PVT1: variants seen among roughly 807,000 people sequenced by gnomAD.
PVT1 encodes CXCR4/PVT1 fusion.
chr8:128,039,125 T>C (rs776899950), intron 4 of PVT1, among the ~76,000 whole-genome samples: 2 of 152,160 alleles, frequency 1.3e-5, no homozygotes, highest in Non-Finnish European at 2.9e-5. Flanking sequence ...CAAACACCGT[T>C]TCTTCTTTCT....
intron 3 of PVT1, among the ~76,000 whole-genome samples, chr8:127,974,850 A>G (rs1019259873): frequency 3.9e-5 from 6 of 152,232 alleles, no homozygotes; most frequent in Non-Finnish European, 7.3e-5. Flanking sequence ...TTGTCTTTAC[A>G]TTAATTAATG....
chr8:128,071,010 C>T (rs1320780350), intron 5 of PVT1, among the ~76,000 whole-genome samples: 4 of 152,212 alleles, frequency 2.6e-5, no homozygotes, highest in African/African-American at 9.6e-5. Flanking sequence ...GGGATCTTCC[C>T]CCACATCTGT....
rs71568675 is a variant in PVT1 at position 128,087,747 on chromosome 8, C to CTTTTTTTTTTTTTTTTTT, written n.1115-8765_1115-8748dup. Among the ~76,000 whole-genome samples, 51 of 76,580 alleles carry CTTTTTTTTTTTTTTTTTT rather than the reference C, an allele frequency of 6.7e-4. 3 individuals are homozygous for CTTTTTTTTTTTTTTTTTT. Among genetic ancestry groups the CTTTTTTTTTTTTTTTTTT allele is most frequent in the African/African-American group, 2.3e-3 (47 of 20,476 alleles). 50.2% of individuals were successfully genotyped at this position (76,580 alleles called of 152,430 possible). On this transcript the variant is annotated intron_variant and non_coding_transcript_variant, in intron 5 of 10. Transcript: ENST00000651587. ...CTCTGCTGACATTCCTGATGTGCTA[C>CTTTTTTTTTTTTTTTTTT]TTTTTTTTTTTTTTTTTTTTTTTGA...
intron 3 of PVT1, among the ~76,000 whole-genome samples, chr8:127,944,672 A>G (rs545653657): frequency 9.9e-5 from 15 of 152,094 alleles, no homozygotes; most frequent in Non-Finnish European, 2.1e-4. Context: ...TCTGCAGCTG[A>G]TACCGAGGAG....
At chr8:128,062,868 T>G (rs895522926) in intron 4 of PVT1, among the ~76,000 whole-genome samples, 2 of 152,230 alleles carry the variant, frequency 1.3e-5, no homozygotes, top group Non-Finnish European at 2.9e-5. Context: ...CCCTCCTGTG[T>G]TTAAAGCTAG....
chr8:127,877,894 C>T (rs1342961609), intron 2 of PVT1, among the ~76,000 whole-genome samples: 2 of 152,152 alleles, frequency 1.3e-5, no homozygotes, highest in Non-Finnish European at 2.9e-5. Context: ...CCACTGCACT[C>T]CAGCCTGGGT....
At chr8:127,980,957 C>T (rs954363948) in intron 3 of PVT1, among the ~76,000 whole-genome samples, 1 of 151,956 alleles carries the variant, frequency 6.6e-6, no homozygotes, top group Non-Finnish European at 1.5e-5. Context: ...CCACAACACC[C>T]AGCTAATTTT....
At chr8:127,926,625 C>G (rs929393548) in intron 3 of PVT1, among the ~76,000 whole-genome samples, 1 of 152,242 alleles carries the variant, frequency 6.6e-6, no homozygotes, top group Non-Finnish European at 1.5e-5. Flanking sequence ...ACCTCCTTCC[C>G]TTGCCTGGCT....
At chr8:127,842,420 AT>A (rs923210234) in intron 2 of PVT1, among the ~76,000 whole-genome samples, 6 of 148,570 alleles carry the variant, frequency 4.0e-5, no homozygotes, top group East Asian at 2.0e-4. Context: ...GCACCAGGCT[AT>A]TTTTTTTTTA....
chr8:127,858,407 A>AAAATAAATAAATAAATAAAT (rs374974740), intron 2 of PVT1, among the ~76,000 whole-genome samples: 2 of 141,794 alleles, frequency 1.4e-5, no homozygotes, highest in African/African-American at 2.6e-5. Flanking sequence ...ACTCTGTCTC[A>AAAATAAATAAATAAATAAAT]AAATAAATAA....
chr8:127,829,081 G>C (rs1248866202), intron 2 of PVT1, among the ~76,000 whole-genome samples: 1 of 152,186 alleles, frequency 6.6e-6, no homozygotes, highest in Non-Finnish European at 1.5e-5. Flanking sequence ...TTCGAGACCA[G>C]CCTGGCCAAC....
intron 4 of PVT1, among the ~76,000 whole-genome samples, chr8:128,044,161 T>C (rs1340449746): frequency 6.6e-6 from 1 of 151,812 alleles, no homozygotes; most frequent in African/African-American, 2.4e-5. Context: ...AAACATCTTA[T>C]TGGACAAGCC....
At chr8:128,077,348 G>A (rs1216070374) in intron 5 of PVT1, among the ~76,000 whole-genome samples, 1 of 152,130 alleles carries the variant, frequency 6.6e-6, no homozygotes, top group Non-Finnish European at 1.5e-5. Context: ...GTGCTTTTCC[G>A]CTGCTGAGCT....
chr8:127,966,052 T>A (rs1816699877), intron 3 of PVT1, among the ~76,000 whole-genome samples: 1 of 152,230 alleles, frequency 6.6e-6, no homozygotes, highest in South Asian at 2.1e-4. Context: ...AGGGGGTAGC[T>A]TGCTTGGTTT....
chr8:127,979,505 T>G (rs1432926475), intron 3 of PVT1, among the ~76,000 whole-genome samples: 1 of 152,216 alleles, frequency 6.6e-6, no homozygotes, highest in African/African-American at 2.4e-5. Flanking sequence ...GACGCTAAGA[T>G]GTAGATTAGC....
intron 3 of PVT1, chr8:127,960,837 C>T (rs766434292): frequency 4.0e-6 from 1 of 250,288 alleles, no homozygotes; most frequent in African/African-American, 2.3e-5. Context: ...TGAGCACATA[C>T]TGCAGGCCAG....
At chr8:128,009,628 T>C (rs558989492) in intron 4 of PVT1, 6 of 152,420 alleles carry the variant, frequency 3.9e-5, no homozygotes, top group Admixed American at 1.3e-4. Flanking sequence ...AAGGATCTGT[T>C]AACACTTGAT....
rs1554600103 is a variant in PVT1 at position 127,957,582 on chromosome 8, A to AAG, written n.783-31579_783-31578insGA. The stretch of plus-strand genomic sequence containing the variant: ...ACTCCGTCTCAAAAAAAAAAAAAAA[A>AAG]AAAAGAAAAGAAAAGAAAAAAAAGT... On this transcript the variant is annotated intron_variant and non_coding_transcript_variant, in intron 3 of 10. Coordinates refer to ENST00000651587, the Ensembl canonical transcript of PVT1. 5.9e-3 allele frequency among the ~76,000 whole-genome samples: 866 copies of AAG among 145,976 alleles called. 6 individuals are homozygous for AAG. The highest frequency in any genetic ancestry group is 0.019 in the African/African-American group (714 of 38,562).
chr8:127,823,964 G>T (rs570584875), intron 2 of PVT1, among the ~76,000 whole-genome samples: 2 of 152,178 alleles, frequency 1.3e-5, no homozygotes, highest in Non-Finnish European at 2.9e-5. Context: ...AGGCTGAGGC[G>T]GGAGGATCTC....
Sources: allele counts gnomAD v4.1 joint callset (sites outside exome capture counted in the v4.1 genomes callset), GRCh38; gene constraint gnomAD v4.1.1; transcripts MANE v1.5; gene names NCBI Gene and HGNC (gene_info 2026-07-23, HGNC 2026-07-21).